Variants in CAST observed in about 807,000 individuals in gnomAD.
CAST encodes the protein MIR583 host.
Under a neutral mutation model 119.6 loss-of-function variants are expected in CAST, and 76 were observed. The observed-to-expected ratio is 0.64, with a 90% CI of 0.53 to 0.77. CAST has a LOEUF of 0.77. Among genes scored for constraint, CAST ranks in the 30% least tolerant of loss-of-function variants. The probability of loss-of-function intolerance (pLI) is 0.00; values close to 1 mark genes in which losing one functional copy is unlikely to be tolerated. For synonymous variants in CAST, 319 were observed against 331.6 expected, an observed-to-expected ratio of 0.96 and a Z score of 0.41; for missense variants, 953 against 946.5, an observed-to-expected ratio of 1.01 and a Z score of -0.09.
chr5:96,438,916 A>G, the CAST span, among the ~76,000 whole-genome samples: 1 of 152,204 alleles, frequency 6.6e-6, no homozygotes, highest in Non-Finnish European at 1.5e-5. Context: ...ATAACTTCTC[A>G]TTCCACATGT....
the CAST span, among the ~76,000 whole-genome samples, chr5:96,487,572 C>T: frequency 1.3e-5 from 2 of 152,196 alleles, no homozygotes; most frequent in Admixed American, 6.5e-5. Context: ...CTGAATCAGG[C>T]ATTAATGCCT....
intron 1 of CAST, among the ~76,000 whole-genome samples, chr5:96,633,410 A>G (rs1479380941): frequency 6.6e-6 from 1 of 152,248 alleles, no homozygotes; most frequent in Non-Finnish European, 1.5e-5. Context: ...TTTTCAGTGT[A>G]TAAGCCTTGC....
chr5:96,461,235 T>G, the CAST span, among the ~76,000 whole-genome samples: 2 of 152,306 alleles, frequency 1.3e-5, no homozygotes, highest in East Asian at 1.9e-4. Context: ...TTTATGGATA[T>G]CTCACATATT....
chr5:96,676,499 T>C (rs1237398345), intron 2 of CAST, among the ~76,000 whole-genome samples: 1 of 152,216 alleles, frequency 6.6e-6, no homozygotes, highest in Non-Finnish European at 1.5e-5. Flanking sequence ...TAGAACCTGC[T>C]ATGCATTCTG....
the CAST span, among the ~76,000 whole-genome samples, chr5:96,145,240 C>T: frequency 2.0e-5 from 3 of 152,154 alleles, no homozygotes; most frequent in African/African-American, 7.2e-5. Context: ...AATGCTTTTG[C>T]AGCTGTAAAC....
At chr5:96,419,460 C>T in the CAST span, among the ~76,000 whole-genome samples, 1 of 145,882 alleles carries the variant, frequency 6.9e-6, no homozygotes, top group African/African-American at 2.7e-5. Context: ...TATATATATA[C>T]ACTCACTTAA....
At chr5:96,752,068 T>G (rs944913273) in intron 20 of CAST, among the ~76,000 whole-genome samples, 13 of 152,032 alleles carry the variant, frequency 8.6e-5, no homozygotes, top group Admixed American at 3.9e-4. Context: ...GGCATGAAGA[T>G]TAGAGAGTAA....
chr5:96,207,093 C>T, the CAST span, among the ~76,000 whole-genome samples: 1 of 151,900 alleles, frequency 6.6e-6, no homozygotes, highest in African/African-American at 2.4e-5. Context: ...CTTGATTTGG[C>T]CCTCAGCTTG....
chr5:95,961,504 C>T, the CAST span: 7 of 1,372,576 alleles, frequency 5.1e-6, no homozygotes, highest in Non-Finnish European at 6.6e-6. Flanking sequence ...CGGCCCCGCA[C>T]CCGGGCGCGG....
At chr5:96,466,711 A>C in the CAST span, among the ~76,000 whole-genome samples, 2 of 152,070 alleles carry the variant, frequency 1.3e-5, no homozygotes, top group Non-Finnish European at 2.9e-5. Flanking sequence ...CATTAATTGT[A>C]TTACTGCTGT....
At chr5:96,488,364 A>T in the CAST span, among the ~76,000 whole-genome samples, 21 of 152,232 alleles carry the variant, frequency 1.4e-4, no homozygotes, top group Non-Finnish European at 2.2e-4. Flanking sequence ...AAAAAGAAAC[A>T]GCTAAAAAAA....
the CAST span, among the ~76,000 whole-genome samples, chr5:96,397,131 A>T: frequency 6.6e-6 from 1 of 152,214 alleles, no homozygotes; most frequent in Non-Finnish European, 1.5e-5. Flanking sequence ...CCCCTCTTAT[A>T]GTATGGCTGA....
intron 1 of CAST, among the ~76,000 whole-genome samples, chr5:96,578,528 A>G (rs1314804549): frequency 1.3e-5 from 2 of 151,502 alleles, no homozygotes; most frequent in African/African-American, 4.8e-5. Flanking sequence ...TTATCTTCCT[A>G]TGGGTTACTT....
the CAST span, among the ~76,000 whole-genome samples, chr5:96,418,885 C>G: frequency 1.3e-5 from 2 of 152,126 alleles, no homozygotes; most frequent in Non-Finnish European, 2.9e-5. Flanking sequence ...CTCTGCTGCT[C>G]CCATCGGATG....
the CAST span, among the ~76,000 whole-genome samples, chr5:96,153,668 A>G: frequency 6.6e-6 from 1 of 152,232 alleles, no homozygotes; most frequent in Non-Finnish European, 1.5e-5. Context: ...TATTCTATAA[A>G]CATACTGATT....
intron 20 of CAST, 89 bp downstream of exon 20, chr5:96,750,771 A>G: frequency 2.9e-6 from 2 of 678,560 alleles, no homozygotes; most frequent in Non-Finnish European, 5.3e-6. Context: ...CCATCATTTT[A>G]TCTTATCCTG....
the CAST span, among the ~76,000 whole-genome samples, chr5:96,176,895 A>C: frequency 2.4e-4 from 36 of 152,180 alleles, no homozygotes; most frequent in African/African-American, 7.2e-4. Context: ...ATGTGCCTTT[A>C]AGCTTAGGAC....
the CAST span, among the ~76,000 whole-genome samples, chr5:96,033,955 C>T: frequency 8.6e-5 from 13 of 151,912 alleles, no homozygotes; most frequent in African/African-American, 2.9e-4. Flanking sequence ...AACCGAATAA[C>T]AAGAAAACAA....
At chr5:96,002,090 A>G in the CAST span, among the ~76,000 whole-genome samples, 1 of 152,246 alleles carries the variant, frequency 6.6e-6, no homozygotes, top group African/African-American at 2.4e-5. Flanking sequence ...CATTTTATTC[A>G]TATAACTTTA....
Sources: gnomAD v4.1 joint callset for allele counts (sites outside exome capture counted in the v4.1 genomes callset) on GRCh38, gnomAD v4.1.1 for gene constraint, MANE v1.5 for transcripts, NCBI Gene and HGNC (gene_info 2026-07-23, HGNC 2026-07-21) for gene names.